Variants in MYH15 observed in about 807,000 individuals in gnomAD.
MYH15 encodes the protein myosin-15.
MYH15 carries 227 observed loss-of-function variants against 240.5 expected under a neutral mutation model. The ratio of observed to expected loss-of-function variants is 0.94; its 90% CI spans 0.85 to 1.05. The LOEUF is 1.05. MYH15 is among the 50% of genes least tolerant of loss of function. The probability of loss-of-function intolerance (pLI) is 0.00; values close to 1 mark genes in which losing one functional copy is unlikely to be tolerated. For synonymous variants in MYH15, 785 were observed against 796.7 expected (o/e 0.99, Z 0.25); for missense variants, 2,217 against 2,247.5 (o/e 0.99, Z 0.27).
chr3:108,404,781 A>G lies in MYH15; in HGVS notation c.4736+557T>C, dbSNP rs1310247859. ...ATGGCTACAGGTACAGGCAGGGGGT[A>G]TGTGAAAACTTCACTCTGGTCTGAA... On this transcript the variant is annotated intron_variant, in intron 33 of 40. Transcript: ENST00000693548. The G allele has an allele frequency of 4.6e-5, 7 of 152,196 alleles. No individual in the cohort carries two copies. The East Asian group carries it at 1.3e-3, about 29-fold the overall frequency. 9.4% of individuals were successfully genotyped at this position (152,196 alleles called of 1,614,324 possible). A position where few individuals can be genotyped will look rare whatever the true frequency, so the allele number is the denominator to read the frequency against.
At chr3:108,511,765 A>G (rs1463776122), upstream of MYH15, among the ~76,000 whole-genome samples, 1 of 152,180 alleles carries the variant, frequency 6.6e-6, no homozygotes, top group Non-Finnish European at 1.5e-5. Flanking sequence ...CTTCAGAATG[A>G]ACTGTAATCA....
chr3:108,455,572 CTCAAACAGCACCGAAGT>C (rs2083011780), intron 20 of MYH15, among the ~76,000 whole-genome samples, 147 bp downstream of exon 20: 1 of 152,166 alleles, frequency 6.6e-6, no homozygotes, highest in Non-Finnish European at 1.5e-5. Context: ...GAATATTTTT[CTCAAACAGCACCGAAGT>C]TTTCACCTTC....
At chr3:108,511,631 T>C (rs1576277302), upstream of MYH15, among the ~76,000 whole-genome samples, 1 of 152,296 alleles carries the variant, frequency 6.6e-6, no homozygotes, top group East Asian at 1.9e-4. Context: ...ACAAAAAAAG[T>C]CTTCCTCTTC....
Position 108,439,757 on chromosome 3 carries a change from GC to G in MYH15, c.3054del (p.Lys1018AsnfsTer21). The G allele has an allele frequency of 6.2e-7, 1 of 1,604,914 alleles. No individual in the cohort carries two copies. Among genetic ancestry groups the G allele is most frequent in the African/African-American group, 1.3e-5 (1 of 74,750 alleles). ...KLSSLSKANL[K>X]LEQQVDELEG... ...CTGACCTCATCAACTTGCTGTTCCA[GC>G]TTCAGATTTGCTTTGCTCAGGCTGC... is the stretch of plus-strand genomic sequence containing the variant. On this transcript the variant is annotated frameshift_variant, in exon 24 of 41. Transcript: ENST00000693548. LOFTEE classifies it high-confidence loss of function.
chr3:108,458,603 C>T (rs1035520146), intron 18 of MYH15, among the ~76,000 whole-genome samples: 3 of 152,068 alleles, frequency 2.0e-5, no homozygotes, highest in Admixed American at 6.6e-5. Flanking sequence ...TTGTCATATA[C>T]ATTCCTTGGA....
chr3:108,453,846 T>G (rs2082996360), intron 21 of MYH15, among the ~76,000 whole-genome samples, 160 bp downstream of exon 21: 1 of 152,226 alleles, frequency 6.6e-6, no homozygotes, highest in Admixed American at 6.5e-5. Flanking sequence ...AAAAGCCCTT[T>G]GCACTCTGTC....
At chr3:108,396,373 G>C (rs1403040217) in intron 35 of MYH15, among the ~76,000 whole-genome samples, 1 of 72,422 alleles carries the variant, frequency 1.4e-5, no homozygotes, top group African/African-American at 4.2e-5. Context: ...GGATGAAACT[G>C]TTCCACCTCA....
chr3:108,491,472 C>T lies in MYH15; in HGVS notation c.871+1028G>A, dbSNP rs527789685. ...TTTTGACTGACTCATCACTCTTCCT[C>T]ATTCTTACATTCAGTCTCTACCAAG... On this transcript the variant is annotated intron_variant, in intron 9 of 40. Transcript: ENST00000693548. 2.0e-5 allele frequency among the ~76,000 whole-genome samples: 3 copies of T among 152,218 alleles called. No homozygotes were observed. The South Asian group carries it at 6.2e-4, about 32-fold the overall frequency.
chr3:108,500,272 T>C lies in MYH15; in HGVS notation c.342A>G (p.Thr114=), dbSNP rs766971444. Residue 114 remains threonine (T), a splice_region_variant and synonymous_variant, in exon 4 of 41, where the codon ACA becomes ACG. Transcript: ENST00000693548. The stretch of plus-strand genomic sequence containing the variant: ...TGGTCACACAGAAGAGACCTGAATA[T>C]GTCTGAGGGAAAATCAGAAAAGATT... ...KRRYGQWMIY[T]YSGLFCVTIN... 4.4e-6 allele frequency: 7 copies of C among 1,600,998 alleles called. No individual in the cohort carries two copies. The highest frequency in any genetic ancestry group is 1.7e-4 in the Middle Eastern group (1 of 6,002).
chr3:108,465,256 A>C (rs2083105047), intron 14 of MYH15, among the ~76,000 whole-genome samples: 1 of 152,208 alleles, frequency 6.6e-6, no homozygotes, highest in African/African-American at 2.4e-5. Context: ...CAAGCTGAGA[A>C]GATCTGTGCA....
chr3:108,435,849 C>T (rs561632440), intron 25 of MYH15, among the ~76,000 whole-genome samples: 188 of 151,386 alleles, frequency 1.2e-3, no homozygotes, highest in African/African-American at 4.4e-3. Flanking sequence ...CACACACACA[C>T]ACACACACAC....
chr3:108,447,474 G>A (rs1337035796), intron 21 of MYH15, among the ~76,000 whole-genome samples: 2 of 151,920 alleles, frequency 1.3e-5, no homozygotes, highest in Non-Finnish European at 2.9e-5. Flanking sequence ...CAAAACAAAA[G>A]TAACTTGTCA....
At chr3:108,503,325 G>A (rs1024936433) in intron 2 of MYH15, among the ~76,000 whole-genome samples, 1 of 152,118 alleles carries the variant, frequency 6.6e-6, no homozygotes, top group Non-Finnish European at 1.5e-5. Flanking sequence ...ACATCTGGAG[G>A]CCTAATAAAA....
At chr3:108,441,758 T>C (rs1488974939) in intron 22 of MYH15, among the ~76,000 whole-genome samples, 1 of 152,224 alleles carries the variant, frequency 6.6e-6, no homozygotes, top group African/African-American at 2.4e-5. Context: ...AGTCATATGT[T>C]TTTTAAATTC....
Position 108,454,119 on chromosome 3 carries a change from C to T in MYH15, c.2286G>A (p.Leu762=). Residue 762 remains leucine, a synonymous_variant, in exon 21 of 41, where the codon CTG becomes CTA. Transcript: ENST00000693548. Reference sequence around the variant, plus strand: ...CATCTCTTATTGCTTCCAGTTGGCCCAGAAACCCAGCTTTAAAAAACACCT... The same window carrying T: ...CATCTCTTATTGCTTCCAGTTGGCCTAGAAACCCAGCTTTAAAAAACACCT... The part of the protein sequence containing the change: ...ITKVFFKAGF[L]GQLEAIRDER... 6.2e-7 allele frequency: 1 copy of T among 1,609,656 alleles called. No individual in the cohort carries two copies. Among genetic ancestry groups the T allele is most frequent in the Non-Finnish European group, 8.5e-7 (1 of 1,177,012 alleles).
At chr3:108,526,212 T>C (rs2083669325) in intron 1 of MYH15, among the ~76,000 whole-genome samples, 1 of 152,138 alleles carries the variant, frequency 6.6e-6, no homozygotes, top group Non-Finnish European at 1.5e-5. Flanking sequence ...TATTAATCAA[T>C]TCATGCCACC....
chr3:108,458,857 T>C (rs1377524265), intron 18 of MYH15, among the ~76,000 whole-genome samples: 1 of 149,922 alleles, frequency 6.7e-6, no homozygotes, highest in Non-Finnish European at 1.5e-5. Context: ...AAAAAAAAAA[T>C]GAATGCTATT....
the MYH15 span, among the ~76,000 whole-genome samples, chr3:108,546,596 C>T: frequency 6.6e-6 from 1 of 152,180 alleles, no homozygotes; most frequent in South Asian, 2.1e-4. Context: ...GATTATCCAT[C>T]ATATTTTGAG....
intron 25 of MYH15, among the ~76,000 whole-genome samples, chr3:108,436,352 C>T (rs577621244): frequency 2.0e-5 from 3 of 152,224 alleles, no homozygotes; most frequent in Admixed American, 6.5e-5. Context: ...TTCATAAGGT[C>T]GCTTGTTTCA....
Sources: allele counts gnomAD v4.1 joint callset (sites outside exome capture counted in the v4.1 genomes callset), GRCh38; gene constraint gnomAD v4.1.1; transcripts MANE v1.5; gene names NCBI Gene and HGNC (gene_info 2026-07-23, HGNC 2026-07-21).